CPEB4: variants seen among roughly 807,000 people sequenced by gnomAD.
The protein encoded by CPEB4 is cytoplasmic polyadenylation element binding protein 4, also known as cytoplasmic polyadenylation element-binding protein 4.
A neutral mutation model predicts 72.5 loss-of-function variants in CPEB4; 12 were observed. The observed-to-expected ratio is 0.17, with a 90% CI of 0.11 to 0.27. The LOEUF is 0.27. Among genes scored for constraint, CPEB4 ranks in the 10% least tolerant of loss-of-function variants. The probability of loss-of-function intolerance (pLI) is 1.00; values close to 1 mark genes in which losing one functional copy is unlikely to be tolerated. For missense variants in CPEB4, 614 were observed against 908.5 expected, an observed-to-expected ratio of 0.68 and a Z score of 4.17; for synonymous variants, 302 against 326.3, an observed-to-expected ratio of 0.93 and a Z score of 0.80.
chr5:173,912,016 A>AG (rs1227846294), intron 2 of CPEB4, among the ~76,000 whole-genome samples: 2 of 149,564 alleles, frequency 1.3e-5, no homozygotes, highest in African/African-American at 4.9e-5. Flanking sequence ...TTCTGGAGAG[A>AG]GGGAAGAAAA....
chr5:173,917,562 C>T (rs570859725), intron 2 of CPEB4, among the ~76,000 whole-genome samples: 2 of 152,130 alleles, frequency 1.3e-5, no homozygotes, highest in Non-Finnish European at 2.9e-5. Flanking sequence ...CCCGTCTCTA[C>T]TAAAAATGTA....
chr5:173,913,721 CA>C (rs1248419998), intron 2 of CPEB4, among the ~76,000 whole-genome samples: 1 of 151,976 alleles, frequency 6.6e-6, no homozygotes, highest in Non-Finnish European at 1.5e-5. Flanking sequence ...GGTCTGATGA[CA>C]AAATAAATTA....
intron 9 of CPEB4, among the ~76,000 whole-genome samples, chr5:173,954,324 A>G (rs1758308894): frequency 6.6e-6 from 1 of 152,198 alleles, no homozygotes; most frequent in African/African-American, 2.4e-5. Context: ...AGAGAAAAGT[A>G]TCTGTTCTAT....
rs527711030 is a variant in CPEB4 at position 173,888,581 on chromosome 5, G to A, written c.-1153G>A. The A allele has an allele frequency of 4.0e-5, 16 of 402,432 alleles. No individual in the cohort carries two copies. The highest frequency in any genetic ancestry group is 5.7e-5 in the Non-Finnish European group (13 of 228,620). The allele number at this position is 402,432 out of a possible 1,614,324, so 24.9% of individuals were successfully genotyped here. ...CCAGCAACCGTGAGGAGAAACAAAA[G>A]CCTTCTAAATTATAGTTTAAAAAAA... On this transcript the variant is annotated 5_prime_UTR_variant, in exon 1 of 10. Transcript: ENST00000265085. This position sits in a 1 kb window ranked among gnomAD's most constrained non-coding sequence, Gnocchi z 4.3.
At position 173,955,835 on chromosome 5, in the gene CPEB4, G is replaced by A. The variant is rs991183815; in HGVS notation, c.1963-75G>A. The A allele has an allele frequency of 6.8e-6, 8 of 1,170,200 alleles. No individual in the cohort carries two copies. Among genetic ancestry groups the A allele is most frequent in the Non-Finnish European group, 7.5e-6 (6 of 805,092 alleles). 72.5% of individuals were successfully genotyped at this position (1,170,200 alleles called of 1,614,324 possible). A position where few individuals can be genotyped will look rare whatever the true frequency, so the allele number is the denominator to read the frequency against. On this transcript the variant is annotated intron_variant, in intron 9 of 9. Coordinates refer to ENST00000265085, the MANE Select transcript of CPEB4 (RefSeq NM_030627.4). This position sits in a 1 kb window ranked among gnomAD's most constrained non-coding sequence, Gnocchi z 4.7. ...TTGGAACAGATTCATTCAGATAGTG[G>A]GTGGAAATGTACATGTATGGTAAGC...
rs781371312 is a variant in CPEB4 at position 173,945,133 on chromosome 5, T to C, written c.1449T>C (p.Ile483=). Residue 483 remains isoleucine (I), a synonymous_variant, in exon 5 of 10, where the codon ATT becomes ATC. Transcript: ENST00000265085. ...TTGTAGGCGGATTGCCTCCAGACAT[T>C]GATGAAGGTATGTTTAGAACTGTTT... ...KVFVGGLPPD[I]DEDEITASFR... 6.2e-7 allele frequency: 1 copy of C among 1,613,458 alleles called. No homozygotes were observed. Among genetic ancestry groups the C allele is most frequent in the Non-Finnish European group, 8.5e-7 (1 of 1,179,562 alleles).
chr5:173,929,858 T>C (rs1232971957), intron 2 of CPEB4, among the ~76,000 whole-genome samples: 2 of 152,228 alleles, frequency 1.3e-5, no homozygotes, highest in African/African-American at 2.4e-5. Context: ...TTTCAACTAA[T>C]GTTATCAAAT....
intron 1 of CPEB4, among the ~76,000 whole-genome samples, chr5:173,908,180 CT>C (rs1756512756): frequency 6.6e-6 from 1 of 152,186 alleles, no homozygotes; most frequent in South Asian, 2.1e-4. Context: ...TAATTTAGTG[CT>C]TGAAATGAGG....
intron 2 of CPEB4, among the ~76,000 whole-genome samples, chr5:173,914,832 T>G (rs1756806774): frequency 6.6e-6 from 1 of 152,078 alleles, no homozygotes; most frequent in Admixed American, 6.6e-5. Context: ...GAAAAAAAAA[T>G]TAAAAGATTT....
In CPEB4 at chr5:173,958,953, TCTA is replaced by T. The variant is rs967598861; in HGVS notation, c.*2820_*2822del. On this transcript the variant is annotated 3_prime_UTR_variant, in exon 10 of 10. Transcript: ENST00000265085. ...CATGACTAATGTAAGAAATTGTTAT[TCTA>T]CTAATATTTACTTGTGATTGTGTGA... 59 of 152,912 alleles carry T rather than the reference TCTA, an allele frequency of 3.9e-4. No homozygotes were observed. Among genetic ancestry groups the T allele is most frequent in the African/African-American group, 1.2e-3 (51 of 41,584 alleles). 9.5% of individuals were successfully genotyped at this position (152,912 alleles called of 1,614,324 possible).
intron 3 of CPEB4, among the ~76,000 whole-genome samples, chr5:173,934,922 A>G (rs930381086): frequency 4.6e-5 from 7 of 152,186 alleles, no homozygotes; most frequent in Non-Finnish European, 1.0e-4. Context: ...AACCTCATTC[A>G]TGTATTCATT....
rs190157637 is a variant in CPEB4, at chr5:173,899,738, T to G, written c.1125+8880T>G. 5.2e-4 allele frequency among the ~76,000 whole-genome samples: 79 copies of G among 152,322 alleles called. 1 individual carries two copies. Among genetic ancestry groups the G allele is most frequent in the Middle Eastern group, 6.8e-3 (2 of 294 alleles). On this transcript the variant is annotated intron_variant, in intron 1 of 9. Transcript: ENST00000265085. ...GGTTGCTGTCTTTTTTGTTTTTCTG[T>G]TTTTTAAGAGGAATGTAGAGGTTTG...
intron 1 of CPEB4, among the ~76,000 whole-genome samples, chr5:173,895,601 TGTTTCTTAATACAGTATC>T (rs1008182863): frequency 5.6e-4 from 85 of 152,362 alleles, no homozygotes; most frequent in African/African-American, 2.0e-3. Flanking sequence ...TACATTTTCT[TGTTTCTTAATACAGTATC>T]GTTCCAAGAA....
chr5:173,938,262 G>A (rs1205265412), intron 3 of CPEB4, among the ~76,000 whole-genome samples: 1 of 152,136 alleles, frequency 6.6e-6, no homozygotes, highest in Non-Finnish European at 1.5e-5. Context: ...ATCTCGCTCT[G>A]TTGCCCAGGC....
At chr5:173,922,847 A>C (rs1036961426) in intron 2 of CPEB4, among the ~76,000 whole-genome samples, 4 of 152,244 alleles carry the variant, frequency 2.6e-5, no homozygotes, top group African/African-American at 7.2e-5. Context: ...ACAAATATAC[A>C]TCAGGCATCT....
At chr5:173,938,829 C>T (rs1036445470) in intron 3 of CPEB4, among the ~76,000 whole-genome samples, 1 of 151,878 alleles carries the variant, frequency 6.6e-6, no homozygotes, top group African/African-American at 2.4e-5. Flanking sequence ...AATATTAGTA[C>T]CAAGGAGAAA....
At chr5:173,931,961 G>A (rs1757461048) in intron 2 of CPEB4, among the ~76,000 whole-genome samples, 1 of 152,152 alleles carries the variant, frequency 6.6e-6, no homozygotes, top group African/African-American at 2.4e-5. Flanking sequence ...TTCATCATAT[G>A]TAAGTTTAGT....
At chr5:173,937,635 A>T (rs1345593117) in intron 3 of CPEB4, among the ~76,000 whole-genome samples, 1 of 152,238 alleles carries the variant, frequency 6.6e-6, no homozygotes, top group Non-Finnish European at 1.5e-5. Context: ...GATCATACTC[A>T]GAATATATGC....
Position 173,895,239 on chromosome 5 carries a change from A to T in CPEB4, c.1125+4381A>T, listed in dbSNP as rs548904492. 3.9e-5 allele frequency among the ~76,000 whole-genome samples: 6 copies of T among 152,314 alleles called. No individual in the cohort carries two copies. The East Asian group carries it at 1.2e-3, about 29-fold the overall frequency. On this transcript the variant is annotated intron_variant, in intron 1 of 9. Transcript: ENST00000265085. ...TTCTGACATCCAAAGCAGATAATAT[A>T]TTGGGGCACCTGCCAATAATTATAT...
Sources: allele counts gnomAD v4.1 joint callset (sites outside exome capture counted in the v4.1 genomes callset), GRCh38; gene constraint gnomAD v4.1.1; non-coding constraint Gnocchi (gnomAD v3.1); transcripts MANE v1.5; gene names NCBI Gene and HGNC (gene_info 2026-07-23, HGNC 2026-07-21).